DLGAP2: variants seen among roughly 807,000 people sequenced by gnomAD.
DLGAP2 encodes the protein DLG associated protein 2.
In DLGAP2, 26 loss-of-function variants were observed where a neutral mutation model predicts 100.3. The ratio of observed to expected loss-of-function variants is 0.26; its 90% CI spans 0.19 to 0.36. The LOEUF is 0.36. Ranked by LOEUF, DLGAP2 falls within the 10% of genes least tolerant of loss-of-function variation. The pLI is 1.00. For synonymous variants in DLGAP2, 886 were observed against 630.1 expected (o/e 1.41, Z -6.08); for missense variants, 1,858 against 1,453.2 (o/e 1.28, Z -4.53).
chr8:801,689 G>A (rs371104470), intron 1 of DLGAP2, among the ~76,000 whole-genome samples: 25 of 152,138 alleles, frequency 1.6e-4, no homozygotes, highest in African/African-American at 5.1e-4. Context: ...ATGAGTGGCT[G>A]TCCTTAGCCC....
intron 1 of DLGAP2, among the ~76,000 whole-genome samples, chr8:777,951 A>C (rs545640177): frequency 1.1e-4 from 16 of 152,200 alleles, no homozygotes; most frequent in Non-Finnish European, 2.1e-4. Flanking sequence ...GTGTTTTCCA[A>C]CTTGGTTCCA....
chr8:1,431,086 G>A (rs569779240), intron 3 of DLGAP2, among the ~76,000 whole-genome samples: 38 of 152,164 alleles, frequency 2.5e-4, no homozygotes, highest in African/African-American at 8.4e-4. Context: ...TGTAAAATGG[G>A]AAGCAAAGGC....
At chr8:875,604 G>C (rs1420158092) in intron 1 of DLGAP2, among the ~76,000 whole-genome samples, 1 of 152,188 alleles carries the variant, frequency 6.6e-6, no homozygotes, top group Non-Finnish European at 1.5e-5. Flanking sequence ...TGAACTGTGA[G>C]TCAATTAAAC....
intron 2 of DLGAP2, among the ~76,000 whole-genome samples, chr8:969,444 T>C (rs911187771): frequency 2.0e-5 from 3 of 151,706 alleles, no homozygotes; most frequent in Non-Finnish European, 2.9e-5. Flanking sequence ...CACAAACCAG[T>C]GCAGGTTTGT....
intron 3 of DLGAP2, among the ~76,000 whole-genome samples, chr8:1,288,585 TG>T (rs1799991191): frequency 3.3e-5 from 2 of 61,052 alleles, no homozygotes; most frequent in Non-Finnish European, 6.2e-5. Flanking sequence ...TAGTTTCAGT[TG>T]AGTGTGTGTG....
intron 1 of DLGAP2, among the ~76,000 whole-genome samples, chr8:789,349 A>C (rs763037269): frequency 9.2e-5 from 14 of 152,206 alleles, no homozygotes; most frequent in Admixed American, 9.2e-4. Flanking sequence ...TGGCCGGAGC[A>C]GGAGGAAGAG....
intron 1 of DLGAP2, among the ~76,000 whole-genome samples, chr8:756,367 G>C (rs922738150): frequency 2.6e-5 from 4 of 152,178 alleles, no homozygotes; most frequent in African/African-American, 9.7e-5. Flanking sequence ...TTGAGGGCCA[G>C]GTTGGGTTAG....
At chr8:1,426,300 A>G (rs536133350) in intron 3 of DLGAP2, among the ~76,000 whole-genome samples, 2 of 152,306 alleles carry the variant, frequency 1.3e-5, no homozygotes, top group South Asian at 4.2e-4. Flanking sequence ...GAGACCTAAA[A>G]TTGGGAAGGA....
chr8:1,407,621 G>A (rs1584866804), intron 3 of DLGAP2, among the ~76,000 whole-genome samples: 1 of 73,600 alleles, frequency 1.4e-5, no homozygotes, highest in Non-Finnish European at 2.6e-5. Context: ...CCAGAGTCGT[G>A]TATTGAGTGC....
chr8:1,353,324 T>A (rs892545888), intron 3 of DLGAP2, among the ~76,000 whole-genome samples: 1 of 152,232 alleles, frequency 6.6e-6, no homozygotes, highest in African/African-American at 2.4e-5. Context: ...TGTTTTACTT[T>A]ATGATGCTGT....
Position 1,668,343 on chromosome 8 carries a change from A to T in DLGAP2, c.1825A>T (p.Asn609Tyr), listed in dbSNP as rs1459723790. The T allele has an allele frequency of 6.6e-7, 1 of 1,515,162 alleles. No individual in the cohort carries two copies. 93.9% of individuals were successfully genotyped at this position (1,515,162 alleles called of 1,614,324 possible). ...IRSTAAVSYT[N>Y]YKKTPPPVPP... is the part of the protein sequence containing the mutation. ...TTTTCTTACAGCTGTCTCATATACA[A>T]ATTACAAGAAAACGCCCCCACCGGT... The change falls in exon 9 of 15, where the codon AAT (asparagine) becomes TAT (tyrosine). Residue 609 changes from asparagine (N) to tyrosine (Y), a missense_variant. Asn to Tyr is a moderately radical substitution (Grantham distance 143). Coordinates refer to ENST00000637795, the MANE Select transcript of DLGAP2 (RefSeq NM_001346810.2).
intron 3 of DLGAP2, among the ~76,000 whole-genome samples, chr8:1,364,505 G>GGC (rs1563107108): frequency 6.7e-6 from 1 of 149,984 alleles, no homozygotes; most frequent in African/African-American, 2.5e-5. Flanking sequence ...GGAAGGGCGG[G>GGC]GGGGGTGCAG....
At chr8:1,596,054 G>C (rs1056933003) in intron 6 of DLGAP2, among the ~76,000 whole-genome samples, 1 of 141,012 alleles carries the variant, frequency 7.1e-6, no homozygotes, top group African/African-American at 2.7e-5. Context: ...CCCTGTGTGT[G>C]ATATTCCCTT....
chr8:750,498 A>G (rs1366762788), intron 1 of DLGAP2, among the ~76,000 whole-genome samples: 1 of 152,284 alleles, frequency 6.6e-6, no homozygotes, highest in Non-Finnish European at 1.5e-5. Flanking sequence ...GACAAAGAAT[A>G]TAAACAGAAA....
intron 3 of DLGAP2, among the ~76,000 whole-genome samples, chr8:1,434,176 A>G (rs1197469320): frequency 6.6e-6 from 1 of 151,962 alleles, no homozygotes; most frequent in Non-Finnish European, 1.5e-5. Flanking sequence ...TCAGCAGCTC[A>G]GCCGCTCTCT....
At chr8:792,919 C>T (rs2132642117) in intron 1 of DLGAP2, among the ~76,000 whole-genome samples, 1 of 152,262 alleles carries the variant, frequency 6.6e-6, no homozygotes, top group South Asian at 2.1e-4. Flanking sequence ...CCACGCATTT[C>T]TATTGTGCTT....
At chr8:1,250,491 G>A (rs1799015076) in intron 2 of DLGAP2, 1 of 152,208 alleles carries the variant, frequency 6.6e-6, no homozygotes, top group Non-Finnish European at 1.5e-5. Context: ...GTGAATGAAT[G>A]TCTTCTCTGA....
intron 12 of DLGAP2, among the ~76,000 whole-genome samples, chr8:1,681,023 C>T (rs542509275): frequency 1.3e-5 from 2 of 151,768 alleles, no homozygotes; most frequent in East Asian, 3.9e-4. Flanking sequence ...CAAAAGAACA[C>T]CTTTGAGGAG....
chr8:1,573,549 G>T (rs1802837602), intron 6 of DLGAP2, among the ~76,000 whole-genome samples: 2 of 152,080 alleles, frequency 1.3e-5, no homozygotes, highest in Admixed American at 1.3e-4. Flanking sequence ...AGCTTGGGGA[G>T]CATATTCTTG....
Sources: gnomAD v4.1 joint callset for allele counts (sites outside exome capture counted in the v4.1 genomes callset) on GRCh38, gnomAD v4.1.1 for gene constraint, MANE v1.5 for transcripts, NCBI Gene and HGNC (gene_info 2026-07-23, HGNC 2026-07-21) for gene names.